KIAA0319: variants seen among roughly 807,000 people sequenced by gnomAD.
KIAA0319 encodes KIAA0319, also known as dyslexia-associated protein KIAA0319.
KIAA0319 carries 83 observed loss-of-function variants against 108.4 expected under a neutral mutation model. The ratio of observed to expected loss-of-function variants is 0.77; its 90% confidence interval spans 0.64 to 0.92. The LOEUF (loss-of-function observed/expected upper bound fraction) is 0.92, where lower values mean the gene tolerates loss of function less well. KIAA0319 is among the 40% of genes least tolerant of loss of function. KIAA0319 has a pLI of 0.00. For missense variants in KIAA0319, 1,195 were observed against 1,322.4 expected, an observed-to-expected ratio of 0.90 and a Z score of 1.49; for synonymous variants, 484 against 510.4, an observed-to-expected ratio of 0.95 and a Z score of 0.70.
chr6:24,598,359 A>G, intron 2 of KIAA0319: 1 of 653,094 alleles, frequency 1.5e-6, no homozygotes, highest in Non-Finnish European at 2.9e-6. Flanking sequence ...TCAACAAGGT[A>G]TGGTTCCTGG....
intron 1 of KIAA0319, among the ~76,000 whole-genome samples, chr6:24,626,494 T>C (rs1007164992): frequency 6.6e-6 from 1 of 152,182 alleles, no homozygotes; most frequent in Non-Finnish European, 1.5e-5. Context: ...ATCGTGCCAC[T>C]GCACTCCAGC....
chr6:24,628,912 A>G (rs1775104228), intron 1 of KIAA0319, among the ~76,000 whole-genome samples: 1 of 152,144 alleles, frequency 6.6e-6, no homozygotes, highest in Admixed American at 6.5e-5. Flanking sequence ...TCTTCTTGAT[A>G]CCATCCGCAG....
chr6:24,571,543 G>A (rs1211307239), intron 11 of KIAA0319, among the ~76,000 whole-genome samples: 1 of 152,114 alleles, frequency 6.6e-6, no homozygotes, highest in African/African-American at 2.4e-5. Context: ...AAGCCCTTTA[G>A]GATGGTGCCC....
At chr6:24,611,787 C>A (rs1366291615) in intron 1 of KIAA0319, among the ~76,000 whole-genome samples, 2 of 152,140 alleles carry the variant, frequency 1.3e-5, no homozygotes, top group African/African-American at 2.4e-5. Flanking sequence ...GGCACAGTTG[C>A]TCACCCCTGT....
chr6:24,586,820 C>T (rs1434521157), intron 4 of KIAA0319, among the ~76,000 whole-genome samples: 1 of 152,084 alleles, frequency 6.6e-6, no homozygotes, highest in African/African-American at 2.4e-5. Context: ...TTCTATCCTC[C>T]TCCATAGAAC....
chr6:24,621,251 G>A (rs1259655529), intron 1 of KIAA0319, among the ~76,000 whole-genome samples: 1 of 152,214 alleles, frequency 6.6e-6, no homozygotes, highest in Non-Finnish European at 1.5e-5. Context: ...GATGGTATGG[G>A]AGATATTTGG....
At chr6:24,631,782 G>C (rs1392408959) in intron 1 of KIAA0319, among the ~76,000 whole-genome samples, 1 of 152,246 alleles carries the variant, frequency 6.6e-6, no homozygotes, top group Non-Finnish European at 1.5e-5. Context: ...GCTATAGTAA[G>C]TAAATTATCA....
intron 1 of KIAA0319, among the ~76,000 whole-genome samples, chr6:24,645,192 C>A (rs2038139): frequency 0.7 from 106,945 of 152,106 alleles, 38,156 homozygotes; most frequent in East Asian, 0.87. Flanking sequence ...ACTAACATTT[C>A]ACCGACAAAC....
intron 2 of KIAA0319, among the ~76,000 whole-genome samples, chr6:24,597,584 A>G (rs1769854014): frequency 6.6e-6 from 1 of 152,218 alleles, no homozygotes; most frequent in African/African-American, 2.4e-5. Context: ...TGCCATAATT[A>G]CTTCAGAATC....
chr6:24,640,378 A>G (rs1776763821), intron 1 of KIAA0319, among the ~76,000 whole-genome samples: 1 of 152,168 alleles, frequency 6.6e-6, no homozygotes, highest in African/African-American at 2.4e-5. Context: ...AAAAAATGCA[A>G]TCCAGTCTGT....
chr6:24,570,000 C>T lies in KIAA0319; in HGVS notation c.1894G>A (p.Asp632Asn). Residue 632 changes from aspartate (D) to asparagine (N), a missense_variant, in exon 12 of 21, where the codon GAT becomes AAT. Transcript: ENST00000378214. The stretch of plus-strand genomic sequence containing the variant: ...TCCACTGGGAAGATCAGCTCTTTAT[C>T]AGGGCCGGCCACAGCCACTGGAGGT... ...NRPPVAVAGP[D>N]KELIFPVESA... 1 of 1,614,084 alleles carries T rather than the reference C, an allele frequency of 6.2e-7. No homozygotes were observed. The highest frequency in any genetic ancestry group is 8.5e-7 in the Non-Finnish European group (1 of 1,179,978).
intron 14 of KIAA0319, among the ~76,000 whole-genome samples, chr6:24,564,865 G>A (rs1763674168): frequency 6.6e-6 from 1 of 152,208 alleles, no homozygotes; most frequent in Non-Finnish European, 1.5e-5. Context: ...TAACGAATAT[G>A]TGCTGTGAAC....
rs148384509 is a variant in KIAA0319, at chr6:24,581,005, G to A, written c.1200C>T (p.Val400=). 43 of 1,605,008 alleles carry A rather than the reference G, an allele frequency of 2.7e-5. No individual in the cohort carries two copies. The African/African-American group carries it at 3.5e-4, about 13-fold the overall frequency. Residue 400 remains valine (V), a synonymous_variant, in exon 7 of 21, where the codon GTC becomes GTT. Coordinates refer to ENST00000378214, the MANE Select transcript of KIAA0319 (RefSeq NM_014809.4). ...KQTLNLSQLS[V]GLYVFKVTVS... ...CAGTGACTTTGAAGACATAAAGTCCGACGGACAACTGTAACATAAAGAAAA... is the reference window on the plus strand; with the variant it reads ...CAGTGACTTTGAAGACATAAAGTCCAACGGACAACTGTAACATAAAGAAAA...
At position 24,588,712 on chromosome 6, in the gene KIAA0319, A is replaced by C. The variant is rs770702551; in HGVS notation, c.875T>G (p.Val292Gly). 2.9e-5 allele frequency: 46 copies of C among 1,613,934 alleles called. No homozygotes were observed. Among genetic ancestry groups the C allele is most frequent in the Non-Finnish European group, 3.9e-5 (46 of 1,180,006 alleles). The change falls in exon 4 of 21, where the codon GTG (valine) becomes GGG (glycine). Residue 292 changes from valine (V) to glycine (G), a missense_variant. Transcript: ENST00000378214. ...TGTACTCCCCGGGGTGACTGTGAGC[A>C]CTGGGCTTTTCTCCACGGTGACTGA... is the stretch of plus-strand genomic sequence containing the variant. ...LSSVTVEKSP[V>G]LTVTPGSTEH... is the part of the protein sequence containing the mutation.
chr6:24,568,426 A>C (rs1764200735), intron 13 of KIAA0319, among the ~76,000 whole-genome samples: 1 of 152,248 alleles, frequency 6.6e-6, no homozygotes, highest in South Asian at 2.1e-4. Flanking sequence ...TTTCACACTA[A>C]GAAACGATAT....
chr6:24,598,967 C>T, intron 2 of KIAA0319: 1 of 629,972 alleles, frequency 1.6e-6, no homozygotes, highest in South Asian at 1.6e-5. Flanking sequence ...CTTACATGAA[C>T]AAGGTAAAGC....
chr6:24,590,312 CAA>C (rs1227510119), intron 3 of KIAA0319, among the ~76,000 whole-genome samples: 1 of 140,848 alleles, frequency 7.1e-6, no homozygotes, highest in Admixed American at 7.0e-5. Context: ...AAAAAAAAAA[CAA>C]GACGAAATAA....
chr6:24,547,424 T>C (rs1760788822), intron 20 of KIAA0319, 81 bp from the exon 21 acceptor site: 1 of 1,216,440 alleles, frequency 8.2e-7, no homozygotes, highest in Middle Eastern at 2.2e-4. Flanking sequence ...GCAGGTCCTG[T>C]GATGGGCACG....
intron 1 of KIAA0319, among the ~76,000 whole-genome samples, chr6:24,631,147 C>T (rs1423717630): frequency 6.6e-6 from 1 of 152,228 alleles, no homozygotes; most frequent in Non-Finnish European, 1.5e-5. Context: ...ATAATATATT[C>T]CTAGTTCAAT....
Sources: gnomAD v4.1 joint callset for allele counts (sites outside exome capture counted in the v4.1 genomes callset) on GRCh38, gnomAD v4.1.1 for gene constraint, MANE v1.5 for transcripts, NCBI Gene and HGNC (gene_info 2026-07-23, HGNC 2026-07-21) for gene names.